The following CNIH3 variants were observed in gnomAD, a reference collection of about 807,000 sequenced individuals.
CNIH3 encodes the protein cornichon family AMPA receptor auxiliary protein 3, also known as protein cornichon homolog 3.
CNIH3 carries 14 observed loss-of-function variants against 24.1 expected under a neutral mutation model. The ratio of observed to expected loss-of-function variants is 0.58; its 90% confidence interval spans 0.38 to 0.91. The LOEUF (loss-of-function observed/expected upper bound fraction) is 0.91. CNIH3 is among the 40% of genes least tolerant of loss of function. The probability of loss-of-function intolerance (pLI) is 0.00; values close to 1 mark genes in which losing one functional copy is unlikely to be tolerated. For synonymous variants in CNIH3, 68 were observed against 73.8 expected, an observed-to-expected ratio of 0.92 and a Z score of 0.40; for missense variants, 178 against 196.8, an observed-to-expected ratio of 0.90 and a Z score of 0.57.
intron 4 of CNIH3, among the ~76,000 whole-genome samples, chr1:224,567,206 G>T (rs1303243086): frequency 6.6e-6 from 1 of 152,176 alleles, no homozygotes; most frequent in African/African-American, 2.4e-5. Context: ...CCCACTTTTT[G>T]ATGGGTTTGT....
At chr1:224,632,592 G>A (rs376957144) in intron 1 of CNIH3, among the ~76,000 whole-genome samples, 1 of 152,092 alleles carries the variant, frequency 6.6e-6, no homozygotes, top group Admixed American at 6.5e-5. Flanking sequence ...GAGCCACTGG[G>A]ACGCAATATG....
chr1:224,609,049 T>C (rs1329471571), intron 3 of CNIH3, among the ~76,000 whole-genome samples: 1 of 152,150 alleles, frequency 6.6e-6, no homozygotes, highest in Non-Finnish European at 1.5e-5. Flanking sequence ...CCAATTATTA[T>C]TTTAGAGAGA....
intron 2 of CNIH3, among the ~76,000 whole-genome samples, chr1:224,532,968 A>C (rs1291941412): frequency 1.3e-5 from 2 of 152,200 alleles, no homozygotes; most frequent in Non-Finnish European, 2.9e-5. Flanking sequence ...ACAATAAAAC[A>C]AAGGGTATAA....
At chr1:224,510,118 A>G (rs1326982937) in intron 1 of CNIH3, among the ~76,000 whole-genome samples, 1 of 151,994 alleles carries the variant, frequency 6.6e-6, no homozygotes, top group Non-Finnish European at 1.5e-5. Context: ...AAACTTGATA[A>G]CTGAACTCTG....
At chr1:224,686,085 C>G (rs1474160180) in intron 3 of CNIH3, among the ~76,000 whole-genome samples, 1 of 151,626 alleles carries the variant, frequency 6.6e-6, no homozygotes, top group Non-Finnish European at 1.5e-5. Flanking sequence ...TATACATGTG[C>G]CATGTTGGTG....
chr1:224,640,033 G>C (rs903128620), intron 1 of CNIH3, among the ~76,000 whole-genome samples: 2 of 152,132 alleles, frequency 1.3e-5, no homozygotes, highest in African/African-American at 4.8e-5. Context: ...TGTAGATAAG[G>C]CCAGGTCTTG....
At chr1:224,694,006 T>C (rs752568474) in intron 3 of CNIH3, among the ~76,000 whole-genome samples, 2 of 152,054 alleles carry the variant, frequency 1.3e-5, no homozygotes, top group Non-Finnish European at 2.9e-5. Flanking sequence ...GTGACTTGAG[T>C]GTTTGGTAGA....
At chr1:224,697,016 A>G (rs1013624465) in intron 3 of CNIH3, among the ~76,000 whole-genome samples, 1 of 152,230 alleles carries the variant, frequency 6.6e-6, no homozygotes, top group African/African-American at 2.4e-5. Flanking sequence ...TGTCAGATGC[A>G]TGTTAGCTAG....
At chr1:224,570,490 A>G (rs1258662437) in intron 4 of CNIH3, among the ~76,000 whole-genome samples, 1 of 152,184 alleles carries the variant, frequency 6.6e-6, no homozygotes, top group Non-Finnish European at 1.5e-5. Context: ...GCCACAAAGG[A>G]CATGATTTTG....
At chr1:224,506,727 A>G (rs748054141) in intron 1 of CNIH3, among the ~76,000 whole-genome samples, 4 of 152,176 alleles carry the variant, frequency 2.6e-5, no homozygotes, top group African/African-American at 4.8e-5. Flanking sequence ...ACCCTTCTCC[A>G]TACTAGAACT....
chr1:224,540,049 A>G (rs1679452520), downstream of CNIH3, among the ~76,000 whole-genome samples: 1 of 152,212 alleles, frequency 6.6e-6, no homozygotes, highest in Admixed American at 6.5e-5. Context: ...ACAGCACACA[A>G]CGTGGGTAAT....
chr1:224,650,705 T>C (rs925951410), intron 1 of CNIH3, among the ~76,000 whole-genome samples: 7 of 152,304 alleles, frequency 4.6e-5, no homozygotes, highest in Middle Eastern at 6.8e-3. Context: ...CGGCTTTCTA[T>C]GTGCGCGAGG....
At chr1:224,498,758 G>A (rs1471410087) in intron 1 of CNIH3, among the ~76,000 whole-genome samples, 2 of 152,260 alleles carry the variant, frequency 1.3e-5, no homozygotes, top group Non-Finnish European at 1.5e-5. Context: ...TTCAGCACAG[G>A]GGAAGATGCG....
At chr1:224,555,492 A>G (rs144170817) in intron 3 of CNIH3, among the ~76,000 whole-genome samples, 2 of 152,206 alleles carry the variant, frequency 1.3e-5, no homozygotes, top group Non-Finnish European at 2.9e-5. Context: ...TTTTTCTTCT[A>G]TAAGTATTTT....
At position 224,617,093 on chromosome 1, in the gene CNIH3, T is replaced by TGGA; in HGVS notation, c.-79_-77dup. The TGGA allele has an allele frequency of 1.3e-6, 2 of 1,571,516 alleles. No homozygotes were observed. The highest frequency in any genetic ancestry group is 8.6e-7 in the Non-Finnish European group (1 of 1,162,354). ...AGAGGAGCGTGCAGACGCGGCTCCT[T>TGGA]GGAGGGAGTGCGGTCCTCTAGGGAG... On this transcript the variant is annotated 5_prime_UTR_variant, in exon 1 of 6. Coordinates refer to ENST00000272133, the MANE Select transcript of CNIH3 (RefSeq NM_152495.2).
intron 3 of CNIH3, among the ~76,000 whole-genome samples, chr1:224,702,340 G>A (rs1045630811): frequency 2.6e-5 from 4 of 152,150 alleles, no homozygotes; most frequent in South Asian, 2.1e-4. Context: ...AAATACCTTT[G>A]TGGGCTTATA....
intron 1 of CNIH3, among the ~76,000 whole-genome samples, chr1:224,666,291 A>G (rs1439531448): frequency 6.6e-6 from 1 of 152,136 alleles, no homozygotes; most frequent in Non-Finnish European, 1.5e-5. Context: ...GGGCTGTGAA[A>G]TAATCCATCC....
At chr1:224,494,386 A>G (rs1030502875) in intron 1 of CNIH3, among the ~76,000 whole-genome samples, 4 of 152,192 alleles carry the variant, frequency 2.6e-5, no homozygotes, top group African/African-American at 9.7e-5. Context: ...TCAGACCAGT[A>G]GGCCCAGAGA....
Position 224,473,153 on chromosome 1 carries a change from G to A in CNIH3, n.203+38291G>A, listed in dbSNP as rs187939429. On this transcript the variant is annotated intron_variant and non_coding_transcript_variant, in intron 1 of 5. Coordinates refer to the CNIH3 transcript ENST00000471578. Reference sequence around the variant, plus strand: ...GAAGATATTATTTGCAAGCCTCATGGTAACCTCAAATTTAAAAACGTACAA... The same window carrying A: ...GAAGATATTATTTGCAAGCCTCATGATAACCTCAAATTTAAAAACGTACAA... 3.3e-4 allele frequency among the ~76,000 whole-genome samples: 50 copies of A among 152,116 alleles called. No homozygotes were observed. In the East Asian group the frequency reaches 9.7e-3, roughly 29 times the overall value.
Sources: allele counts gnomAD v4.1 joint callset (sites outside exome capture counted in the v4.1 genomes callset), GRCh38; gene constraint gnomAD v4.1.1; transcripts MANE v1.5; gene names NCBI Gene and HGNC (gene_info 2026-07-23, HGNC 2026-07-21).